KNCN: variants seen among roughly 807,000 people sequenced by gnomAD.
KNCN encodes kinocilin.
Under a neutral mutation model 10.4 loss-of-function variants are expected in KNCN, and 11 were observed. The ratio of observed to expected loss-of-function variants is 1.06; its 90% CI spans 0.67 to 1.75. The LOEUF is 1.75. KNCN is among the 40% of genes most tolerant of loss of function. KNCN has a pLI of 0.00. For synonymous variants in KNCN, 67 were observed against 71.6 expected (o/e 0.94, Z 0.33); for missense variants, 172 against 167.1 (o/e 1.03, Z -0.16).
Position 46,546,203 on chromosome 1 carries a change from C to T in KNCN, c.*1527G>A, listed in dbSNP as rs555055943. ...CAGGCCTGGCCCCGTGATCTTTCAC[C>T]ATGGGACTCGATGAGTCCTTTTTCC... On this transcript the variant is annotated 3_prime_UTR_variant, in exon 4 of 4. Transcript: ENST00000481882. 2.0e-5 allele frequency: 3 copies of T among 152,320 alleles called. No homozygotes were observed. Among genetic ancestry groups the T allele is most frequent in the African/African-American group, 7.2e-5 (3 of 41,560 alleles). The allele number at this position is 152,320 out of a possible 1,614,324, so 9.4% of individuals were successfully genotyped here.
At chr1:46,549,291 C>T (rs962419003) in intron 2 of KNCN, 24 bp from the exon 3 acceptor site, 2 of 1,570,920 alleles carry the variant, frequency 1.3e-6, no homozygotes, top group African/African-American at 1.4e-5. Context: ...CCACCCCAAG[C>T]CCCCTGATTA....
chr1:46,546,041 C>T lies in KNCN; in HGVS notation c.*1689G>A, dbSNP rs886392141. 3 of 152,294 alleles carry T rather than the reference C, an allele frequency of 2.0e-5. No individual in the cohort carries two copies. Among genetic ancestry groups the T allele is most frequent in the Non-Finnish European group, 4.4e-5 (3 of 68,086 alleles). 9.4% of individuals were successfully genotyped at this position (152,294 alleles called of 1,614,324 possible). A position where few individuals can be genotyped will look rare whatever the true frequency, so the allele number is the denominator to read the frequency against. On this transcript the variant is annotated 3_prime_UTR_variant, in exon 4 of 4. Coordinates refer to ENST00000481882, the MANE Select transcript of KNCN (RefSeq NM_001322255.2). ...TCAGCTGAAGGAAACGAAGTCTCTA[C>T]ACCTAGCCAGCATTTGTGGAAGGCA... is the stretch of plus-strand genomic sequence containing the variant.
intron 1 of KNCN, among the ~76,000 whole-genome samples, chr1:46,550,848 C>A (rs1205575520): frequency 2.0e-5 from 3 of 152,100 alleles, no homozygotes; most frequent in Non-Finnish European, 2.9e-5. Flanking sequence ...ACGGCCAGCT[C>A]TCCTTCTTTT....
Position 46,547,322 on chromosome 1 carries a change from T to C in KNCN, c.*408A>G, listed in dbSNP as rs1666963226. The C allele has an allele frequency of 2.2e-6, 1 of 460,716 alleles. No individual in the cohort carries two copies. Among genetic ancestry groups the C allele is most frequent in the Admixed American group, 2.4e-5 (1 of 42,098 alleles). 28.5% of individuals were successfully genotyped at this position (460,716 alleles called of 1,614,324 possible). A position where few individuals can be genotyped will look rare whatever the true frequency, so the allele number is the denominator to read the frequency against. ...CCTGTCTGTGGTTCTTGTGGGCCTG[T>C]GGTTCACTTCTGTAGCCGGGTTAGA... On this transcript the variant is annotated 3_prime_UTR_variant, in exon 4 of 4. Transcript: ENST00000481882.
chr1:46,547,306 G>A lies in KNCN; in HGVS notation c.*424C>T, dbSNP rs1166411674. ...GTGGGGGTGGAGGGTCCCTGTCTGT[G>A]GTTCTTGTGGGCCTGTGGTTCACTT... On this transcript the variant is annotated 3_prime_UTR_variant, in exon 4 of 4. Coordinates refer to ENST00000481882, the MANE Select transcript of KNCN (RefSeq NM_001322255.2). 1 of 446,998 alleles carries A rather than the reference G, an allele frequency of 2.2e-6. No individual in the cohort carries two copies. Among genetic ancestry groups the A allele is most frequent in the South Asian group, 1.6e-5 (1 of 61,130 alleles). The allele number at this position is 446,998 out of a possible 1,614,324, so 27.7% of individuals were successfully genotyped here.
chr1:46,551,268 G>A lies in KNCN; in HGVS notation c.-53C>T. The A allele has an allele frequency of 6.4e-7, 1 of 1,555,330 alleles. No homozygotes were observed. The highest frequency in any genetic ancestry group is 8.6e-7 in the Non-Finnish European group (1 of 1,157,430). On this transcript the variant is annotated 5_prime_UTR_variant, in exon 1 of 4. Coordinates refer to ENST00000481882, the MANE Select transcript of KNCN (RefSeq NM_001322255.2). The surrounding 1 kb of genome is among the most constrained non-coding windows in gnomAD (Gnocchi z 4.0). ...GCCGGTGCAGTCTGGCCCCAGAAAA[G>A]TCCTGGAAGTTTCTGGGCTCTTGGA...
rs924015763 is a variant in KNCN, at chr1:46,547,925, G to A, written c.296-116C>T. ...GGGGTGCCTGGTTGACCCCAGGGCA[G>A]AGCTGGGATAGAATGGGGAGAGGGG... On this transcript the variant is annotated intron_variant, in intron 3 of 3. Transcript: ENST00000481882. 5 of 671,630 alleles carry A rather than the reference G, an allele frequency of 7.4e-6. No individual in the cohort carries two copies. In the African/African-American group the frequency reaches 9.0e-5, roughly 12 times the overall value. 41.6% of individuals were successfully genotyped at this position (671,630 alleles called of 1,614,324 possible). A position where few individuals can be genotyped will look rare whatever the true frequency, so the allele number is the denominator to read the frequency against.
rs367849033 is a variant in KNCN, at chr1:46,547,507, G to A, written c.*223C>T. 5.7e-6 allele frequency: 4 copies of A among 700,082 alleles called. No individual in the cohort carries two copies. The highest frequency in any genetic ancestry group is 3.5e-5 in the African/African-American group (2 of 57,146). 43.4% of individuals were successfully genotyped at this position (700,082 alleles called of 1,614,324 possible). ...TGGGAACCCTGTGGGGGCGTCCGGC[G>A]ACACCTTGCTCCAGGTCCCAGCCCA... On this transcript the variant is annotated 3_prime_UTR_variant, in exon 4 of 4. Transcript: ENST00000481882.
Position 46,547,094 on chromosome 1 carries a change from G to T in KNCN, c.*636C>A. Reference sequence around the variant, plus strand: ...CAGGCCTGGGCTCAGCTGAGAAGTTGCCTCCTCTGACCCCCAGGCGAAGTT... The same window carrying T: ...CAGGCCTGGGCTCAGCTGAGAAGTTTCCTCCTCTGACCCCCAGGCGAAGTT... On this transcript the variant is annotated 3_prime_UTR_variant, in exon 4 of 4. Coordinates refer to ENST00000481882, the MANE Select transcript of KNCN (RefSeq NM_001322255.2). The T allele has an allele frequency of 3.2e-6, 1 of 313,230 alleles. No individual in the cohort carries two copies. Among genetic ancestry groups the T allele is most frequent in the South Asian group, 2.7e-5 (1 of 36,678 alleles). The allele number at this position is 313,230 out of a possible 1,614,324, so 19.4% of individuals were successfully genotyped here.
At position 46,551,429 on chromosome 1, in the gene KNCN, A is replaced by T. The variant is rs1320337333; in HGVS notation, c.-214T>A. ...CCCCCCAGTCCCACCTTGACCAGGGATCTGTACGAGGTCACCCAGCTTACT... is the reference window on the plus strand; with the variant it reads ...CCCCCCAGTCCCACCTTGACCAGGGTTCTGTACGAGGTCACCCAGCTTACT... On this transcript the variant is annotated 5_prime_UTR_variant, in exon 1 of 4. Transcript: ENST00000481882. The surrounding 1 kb of genome is among the most constrained non-coding windows in gnomAD (Gnocchi z 4.0). 1 of 526,886 alleles carries T rather than the reference A, an allele frequency of 1.9e-6. No individual in the cohort carries two copies. The highest frequency in any genetic ancestry group is 2.0e-5 in the African/African-American group (1 of 50,014). The allele number at this position is 526,886 out of a possible 1,614,324, so 32.6% of individuals were successfully genotyped here. A position where few individuals can be genotyped will look rare whatever the true frequency, so the allele number is the denominator to read the frequency against.
At position 46,549,754 on chromosome 1, in the gene KNCN, G is replaced by A. The variant is rs141003452; in HGVS notation, c.220+180C>T. 303 of 1,177,138 alleles carry A rather than the reference G, an allele frequency of 2.6e-4. 1 individual carries two copies. In the East Asian group the frequency reaches 6.4e-3, roughly 25 times the overall value. 72.9% of individuals were successfully genotyped at this position (1,177,138 alleles called of 1,614,324 possible). On this transcript the variant is annotated intron_variant, in intron 2 of 3. Transcript: ENST00000481882. Reference sequence around the variant, plus strand: ...CCTTTGCTGCAGGCTGGATTCTGCCGTTCTGTAGTCATGGCAACGCCTGCA... The same window carrying A: ...CCTTTGCTGCAGGCTGGATTCTGCCATTCTGTAGTCATGGCAACGCCTGCA...
In KNCN at chr1:46,551,077, C is replaced by T. The variant is rs772886460; in HGVS notation, c.139G>A (p.Ala47Thr). ...AGCCCCTGCTCACCCAGAACAGCAGCGCCAATAAAGACACCGCCCATGGCA... is the reference window on the plus strand; with the variant it reads ...AGCCCCTGCTCACCCAGAACAGCAGTGCCAATAAAGACACCGCCCATGGCA... The part of the protein sequence containing the change: ...AAAMGGVFIG[A>T]AVLGLLILAY... The change falls in exon 1 of 4, where the codon GCT becomes ACT. Residue 47 changes from alanine to threonine, a missense_variant. Transcript: ENST00000481882. This position sits in a 1 kb window ranked among gnomAD's most constrained non-coding sequence, Gnocchi z 4.0. The T allele has an allele frequency of 1.8e-5, 29 of 1,599,290 alleles. No homozygotes were observed. Among genetic ancestry groups the T allele is most frequent in the East Asian group, 4.6e-5 (2 of 43,878 alleles).
chr1:46,549,318 A>T, intron 2 of KNCN, 51 bp from the exon 3 acceptor site: 1 of 1,414,494 alleles, frequency 7.1e-7, no homozygotes, highest in Non-Finnish European at 9.8e-7. Context: ...CATTCCCCAA[A>T]TCAAGCCTAG....
In KNCN at chr1:46,546,685, C is replaced by T. The variant is rs923161683; in HGVS notation, c.*1045G>A. The T allele has an allele frequency of 6.6e-5, 10 of 152,276 alleles. No individual in the cohort carries two copies. The highest frequency in any genetic ancestry group is 1.2e-4 in the African/African-American group (5 of 41,464). 9.4% of individuals were successfully genotyped at this position (152,276 alleles called of 1,614,324 possible). ...GGGAAAGCCTAGGGAATTGTTTTTA[C>T]ATTAAATTGAATCCATTAACATTTA... On this transcript the variant is annotated 3_prime_UTR_variant, in exon 4 of 4. Coordinates refer to ENST00000481882, the MANE Select transcript of KNCN (RefSeq NM_001322255.2).
chr1:46,550,534 G>GGGGGTGGGGTGGGGT (rs372903457), intron 1 of KNCN, among the ~76,000 whole-genome samples: 1 of 143,210 alleles, frequency 7.0e-6, no homozygotes, highest in African/African-American at 2.5e-5. Context: ...GGCGGGGGCG[G>GGGGGTGGGGTGGGGT]GGGGTGGGGT....
rs1333254714 is a variant in KNCN, at chr1:46,551,121, G to A, written c.95C>T (p.Ser32Phe). ...CATGGCAGCTGCAGCCTTGGATACG[G>A]AGATGCCGATAATGATGCTGCCAGC... ...LVAGSIIIGI[S>F]VSKAAAAMGG... is the part of the protein sequence containing the mutation. The change falls in exon 1 of 4, where the codon TCC becomes TTC. Residue 32 changes from serine (S) to phenylalanine (F), a missense_variant. By Grantham distance (155) the Ser-to-Phe change is radical. Transcript: ENST00000481882. The surrounding 1 kb of genome is among the most constrained non-coding windows in gnomAD (Gnocchi z 4.0). 8 of 1,611,602 alleles carry A rather than the reference G, an allele frequency of 5.0e-6. No homozygotes were observed. The South Asian group carries it at 6.6e-5, about 13-fold the overall frequency.
chr1:46,548,086 G>A (rs756194823), intron 3 of KNCN, among the ~76,000 whole-genome samples: 1 of 152,184 alleles, frequency 6.6e-6, no homozygotes, highest in Non-Finnish European at 1.5e-5. Context: ...TTTGACTGCC[G>A]CACTTCCTGG....
rs34076774 is a variant in KNCN, at chr1:46,549,781, A to AAC, written c.220+151_220+152dup. 1,113 of 1,359,260 alleles carry AAC rather than the reference A, an allele frequency of 8.2e-4. 1 individual carries two copies. Among genetic ancestry groups the AAC allele is most frequent in the African/African-American group, 7.5e-3 (517 of 69,202 alleles). 84.2% of individuals were successfully genotyped at this position (1,359,260 alleles called of 1,614,324 possible). A position where few individuals can be genotyped will look rare whatever the true frequency, so the allele number is the denominator to read the frequency against. On this transcript the variant is annotated intron_variant, in intron 2 of 3. Coordinates refer to ENST00000481882, the MANE Select transcript of KNCN (RefSeq NM_001322255.2). ...TCTGTAGTCATGGCAACGCCTGCAC[A>AAC]ACACACACACACACAGCAGCTCTAA...
chr1:46,550,826 GAA>G (rs1295223261), intron 1 of KNCN, among the ~76,000 whole-genome samples: 1 of 152,168 alleles, frequency 6.6e-6, no homozygotes, highest in Non-Finnish European at 1.5e-5. Flanking sequence ...GGAGTAGCCA[GAA>G]AAGAGTGTGA....
Sources: gnomAD v4.1 joint callset for allele counts (sites outside exome capture counted in the v4.1 genomes callset) on GRCh38, gnomAD v4.1.1 for gene constraint, Gnocchi (gnomAD v3.1) non-coding constraint, MANE v1.5 for transcripts, NCBI Gene and HGNC (gene_info 2026-07-23, HGNC 2026-07-21) for gene names.